Variants in ROCK2 observed in about 807,000 individuals in gnomAD.
ROCK2 encodes the protein rho-associated protein kinase 2.
Under a neutral mutation model 195.1 loss-of-function variants are expected in ROCK2, and 61 were observed. The observed-to-expected ratio is 0.31, with a 90% CI of 0.25 to 0.39. The LOEUF is 0.39. Among genes scored for constraint, ROCK2 ranks in the 10% least tolerant of loss-of-function variants. The probability of loss-of-function intolerance (pLI) is 1.00; values close to 1 mark genes in which losing one functional copy is unlikely to be tolerated. For missense variants in ROCK2, 1,109 were observed against 1,637.4 expected, an observed-to-expected ratio of 0.68 and a Z score of 5.57; for synonymous variants, 504 against 545.5, an observed-to-expected ratio of 0.92 and a Z score of 1.06.
intron 1 of ROCK2, 56 bp from the exon 2 acceptor site, chr2:11,287,792 T>A: frequency 1.4e-6 from 1 of 691,988 alleles, no homozygotes; most frequent in Non-Finnish European, 2.2e-6. Context: ...AGCATTCATT[T>A]AAAAAAGTCT....
chr2:11,320,752 A>C (rs1424273981), intron 1 of ROCK2, among the ~76,000 whole-genome samples: 6 of 152,200 alleles, frequency 3.9e-5, no homozygotes, highest in Admixed American at 3.9e-4. Flanking sequence ...AGAGGAGAAA[A>C]ACAAAGTGAG....
chr2:11,258,713 G>T (rs1666120963), intron 3 of ROCK2, among the ~76,000 whole-genome samples: 1 of 151,144 alleles, frequency 6.6e-6, no homozygotes. Flanking sequence ...GTTAGTCACG[G>T]GTTAAGGAGT....
chr2:11,250,823 T>C (rs1399884482), intron 3 of ROCK2, among the ~76,000 whole-genome samples: 2 of 152,210 alleles, frequency 1.3e-5, no homozygotes, highest in East Asian at 1.9e-4. Flanking sequence ...AATTCCCAAC[T>C]TGTTTCCCTG....
chr2:11,234,016 A>C (rs1018960998), intron 5 of ROCK2: 4 of 152,208 alleles, frequency 2.6e-5, no homozygotes, highest in Non-Finnish European at 4.4e-5. Context: ...CATATACTAA[A>C]ATTAGAATGA....
chr2:11,252,247 C>T (rs1025424916), intron 3 of ROCK2, among the ~76,000 whole-genome samples: 18 of 152,022 alleles, frequency 1.2e-4, no homozygotes, highest in Middle Eastern at 3.4e-3. Context: ...CCCGTTTCTA[C>T]CAAAAATACA....
intron 9 of ROCK2, among the ~76,000 whole-genome samples, chr2:11,220,067 C>A (rs1387697757): frequency 6.6e-6 from 1 of 151,968 alleles, no homozygotes; most frequent in Non-Finnish European, 1.5e-5. Context: ...CCCAGGCTGG[C>A]GTGCAATGGC....
At position 11,253,168 on chromosome 2, in the gene ROCK2, C is replaced by T. The variant is rs149328926; in HGVS notation, c.325-3370G>A. 2.0e-3 allele frequency among the ~76,000 whole-genome samples: 302 copies of T among 152,052 alleles called. 1 individual carries two copies. Among genetic ancestry groups the T allele is most frequent in the Non-Finnish European group, 2.3e-3 (154 of 67,976 alleles). Reference sequence around the variant, plus strand: ...CAAATTATATAGTTACCCTATTCAGCGATGGAAGAAAGAAGAAGAAATCAA... The same window carrying T: ...CAAATTATATAGTTACCCTATTCAGTGATGGAAGAAAGAAGAAGAAATCAA... On this transcript the variant is annotated intron_variant, in intron 3 of 32. Transcript: ENST00000315872.
In ROCK2 at chr2:11,218,156, T is replaced by C. The variant is rs1664497631; in HGVS notation, c.1332+299A>G. 3 of 250,254 alleles carry C rather than the reference T, an allele frequency of 1.2e-5. No homozygotes were observed. In the Admixed American group the frequency reaches 1.6e-4, roughly 13 times the overall value. The allele number at this position is 250,254 out of a possible 1,614,324, so 15.5% of individuals were successfully genotyped here. On this transcript the variant is annotated intron_variant, in intron 11 of 32. Coordinates refer to ENST00000315872, the MANE Select transcript of ROCK2 (RefSeq NM_004850.5). ...AGGCTAATGAACTAGTCAAGTTTAA[T>C]TGCTTTTGGCTACTACTGCATTACA...
At chr2:11,189,624 C>T (rs889398079) in intron 32 of ROCK2, among the ~76,000 whole-genome samples, 4 of 152,142 alleles carry the variant, frequency 2.6e-5, no homozygotes, top group Non-Finnish European at 4.4e-5. Flanking sequence ...CATACTGCAA[C>T]CTCTGTTATT....
chr2:11,333,110 CATT>C (rs1178175280), intron 1 of ROCK2, among the ~76,000 whole-genome samples: 2 of 152,102 alleles, frequency 1.3e-5, no homozygotes, highest in Non-Finnish European at 2.9e-5. Flanking sequence ...TACTAAAAAT[CATT>C]ATATTGTACA....
chr2:11,221,118 TA>T, intron 9 of ROCK2, 79 bp downstream of exon 9: 1 of 1,050,360 alleles, frequency 9.5e-7, no homozygotes. Flanking sequence ...TTATCTCCTA[TA>T]ATTGAGTCTC....
rs1015354681 is a variant in ROCK2 at position 11,196,063 on chromosome 2, G to A, written c.3449-1038C>T. Among the ~76,000 whole-genome samples the A allele has an allele frequency of 3.3e-5, 5 of 151,970 alleles. No homozygotes were observed. The South Asian group carries it at 6.2e-4, about 19-fold the overall frequency. ...ATTTAACTTCTATTATGTATCAATCGTGCTGGATGCTTTACACAAATTCTC... is the reference window on the plus strand; with the variant it reads ...ATTTAACTTCTATTATGTATCAATCATGCTGGATGCTTTACACAAATTCTC... On this transcript the variant is annotated intron_variant, in intron 27 of 32. Transcript: ENST00000315872.
rs539491419 is a variant in ROCK2 at position 11,255,961 on chromosome 2, T to C, written c.325-6163A>G. Among the ~76,000 whole-genome samples, 113 of 118,930 alleles carry C rather than the reference T, an allele frequency of 9.5e-4. 5 individuals carry two copies. Among genetic ancestry groups the C allele is most frequent in the African/African-American group, 3.7e-3 (104 of 27,936 alleles). The allele number at this position is 118,930 out of a possible 152,430, so 78.0% of individuals were successfully genotyped here. A position where few individuals can be genotyped will look rare whatever the true frequency, so the allele number is the denominator to read the frequency against. On this transcript the variant is annotated intron_variant, in intron 3 of 32. Transcript: ENST00000315872. ...AAAAAAAAAAAAAAAAAAAGGAAAC[T>C]ATATGGAAGTCAGTGAACTTCAACA...
chr2:11,298,258 T>C (rs1209107930), intron 1 of ROCK2, among the ~76,000 whole-genome samples: 1 of 151,624 alleles, frequency 6.6e-6, no homozygotes, highest in Non-Finnish European at 1.5e-5. Flanking sequence ...TTACCTGAGG[T>C]CAGGAGTTCG....
intron 4 of ROCK2, among the ~76,000 whole-genome samples, chr2:11,246,210 T>C (rs974527412): frequency 1.3e-5 from 2 of 152,112 alleles, no homozygotes; most frequent in Non-Finnish European, 2.9e-5. Flanking sequence ...CTGAATCTGA[T>C]CAAGCCTCTA....
At chr2:11,219,861 C>CT (rs11437412) in intron 9 of ROCK2, among the ~76,000 whole-genome samples, 57,248 of 134,654 alleles carry the variant, frequency 0.43, 12,809 homozygotes, top group Admixed American at 0.52. Context: ...CCAAAACTCA[C>CT]TTTTTTTTTT....
At chr2:11,320,507 T>C (rs1185201371) in intron 1 of ROCK2, among the ~76,000 whole-genome samples, 1 of 134,220 alleles carries the variant, frequency 7.5e-6, no homozygotes, top group Non-Finnish European at 1.6e-5. Context: ...AACATTTTTT[T>C]GCCTTGTCAC....
chr2:11,180,956 T>TTTTA lies in ROCK2; in HGVS notation c.*2480_*2481insTAAA, dbSNP rs1662961305. The TTTTA allele has an allele frequency of 6.6e-6, 1 of 152,020 alleles. No homozygotes were observed. The highest frequency in any genetic ancestry group is 1.5e-5 in the Non-Finnish European group (1 of 67,996). The allele number at this position is 152,020 out of a possible 1,614,324, so 9.4% of individuals were successfully genotyped here. On this transcript the variant is annotated 3_prime_UTR_variant, in exon 33 of 33. Transcript: ENST00000315872. The stretch of plus-strand genomic sequence containing the variant: ...TAAACCCTTATGTCAAACCATATAA[T>TTTTA]GTGAAGAATCTCCATGGGAGAGATT...
chr2:11,205,918 G>C (rs111691668), intron 20 of ROCK2, among the ~76,000 whole-genome samples: 1 of 152,052 alleles, frequency 6.6e-6, no homozygotes, highest in Non-Finnish European at 1.5e-5. Flanking sequence ...AGACCACCCT[G>C]GCCAACATGG....
Sources: allele counts gnomAD v4.1 joint callset (sites outside exome capture counted in the v4.1 genomes callset), GRCh38; gene constraint gnomAD v4.1.1; transcripts MANE v1.5; gene names NCBI Gene and HGNC (gene_info 2026-07-23, HGNC 2026-07-21).